PRKCQ: variants seen among roughly 807,000 people sequenced by gnomAD.
PRKCQ encodes protein kinase C theta type.
A neutral mutation model predicts 91.2 loss-of-function variants in PRKCQ; 41 were observed. That is an observed-to-expected ratio of 0.45 (90% CI 0.35 to 0.58). The LOEUF (loss-of-function observed/expected upper bound fraction) is 0.58. PRKCQ is among the 20% of genes least tolerant of loss of function. The pLI is 0.00. For missense variants in PRKCQ, 673 were observed against 896.5 expected, an observed-to-expected ratio of 0.75 and a Z score of 3.18; for synonymous variants, 307 against 316.9, an observed-to-expected ratio of 0.97 and a Z score of 0.33.
the PRKCQ span, among the ~76,000 whole-genome samples, chr10:6,413,660 CACTGGATTAAAT>C: frequency 1.0e-4 from 13 of 128,366 alleles, 3 homozygotes; most frequent in African/African-American, 4.1e-4. Context: ...CACTAGGAAG[CACTGGATTAAAT>C]GCCACTTGTG....
At chr10:6,444,507 C>T (rs1009938590) in intron 15 of PRKCQ, among the ~76,000 whole-genome samples, 2 of 152,106 alleles carry the variant, frequency 1.3e-5, no homozygotes, top group South Asian at 2.1e-4. Context: ...AAAAAATCTT[C>T]GTTAATTCAT....
the PRKCQ span, among the ~76,000 whole-genome samples, chr10:6,398,441 A>G: frequency 6.6e-6 from 1 of 152,246 alleles, no homozygotes; most frequent in Non-Finnish European, 1.5e-5. Context: ...AAGTTAGTCA[A>G]TATTCTTTCA....
intron 1 of PRKCQ, among the ~76,000 whole-genome samples, chr10:6,571,517 C>A (rs1841044889): frequency 6.6e-6 from 1 of 152,120 alleles, no homozygotes; most frequent in African/African-American, 2.4e-5. Context: ...AAGAAAATAT[C>A]TTCCCTTGAT....
chr10:6,523,580 G>A (rs186489449), intron 1 of PRKCQ, among the ~76,000 whole-genome samples: 7 of 152,270 alleles, frequency 4.6e-5, no homozygotes, highest in Non-Finnish European at 1.0e-4. Flanking sequence ...AGGAGGCTTC[G>A]TGGACAGACC....
chr10:6,527,056 A>G (rs80295414), intron 1 of PRKCQ, among the ~76,000 whole-genome samples: 12,525 of 152,252 alleles, frequency 0.082, 659 homozygotes, highest in Middle Eastern at 0.2. Flanking sequence ...GCCCCAACCC[A>G]TGGTAGGAGG....
chr10:6,487,463 G>A (rs1038378033), intron 8 of PRKCQ, among the ~76,000 whole-genome samples: 6 of 152,294 alleles, frequency 3.9e-5, no homozygotes, highest in Admixed American at 2.6e-4. Flanking sequence ...AGTCATGAAC[G>A]CTCTGGGGGC....
chr10:6,568,149 A>G (rs893066155), intron 1 of PRKCQ, among the ~76,000 whole-genome samples: 1 of 152,140 alleles, frequency 6.6e-6, no homozygotes, highest in Non-Finnish European at 1.5e-5. Context: ...CGAAGGGCGG[A>G]GGTTGCAGTG....
intron 1 of PRKCQ, among the ~76,000 whole-genome samples, chr10:6,534,491 C>G (rs1320232390): frequency 6.6e-6 from 1 of 151,874 alleles, no homozygotes; most frequent in Non-Finnish European, 1.5e-5. Context: ...CTCGCCATAG[C>G]AATTTGGATA....
At chr10:6,404,807 CTCTCTT>C in the PRKCQ span, among the ~76,000 whole-genome samples, 1 of 141,774 alleles carries the variant, frequency 7.1e-6, no homozygotes, top group Admixed American at 7.4e-5. Flanking sequence ...TTCTTTCTCT[CTCTCTT>C]TCATTCTTTC....
chr10:6,397,168 C>T, the PRKCQ span, among the ~76,000 whole-genome samples: 26 of 152,246 alleles, frequency 1.7e-4, no homozygotes, highest in South Asian at 5.4e-3. Flanking sequence ...ATGATCTCAG[C>T]CCACTGCAAG....
the PRKCQ span, among the ~76,000 whole-genome samples, chr10:6,413,765 A>ACAGCTAAAAGAAAAATAT: frequency 7.0e-6 from 1 of 143,214 alleles, no homozygotes; most frequent in African/African-American, 2.7e-5. Flanking sequence ...ACTGGATTAA[A>ACAGCTAAAAGAAAAATAT]TGCCACTTGT....
At chr10:6,446,667 A>G (rs1374478980) in intron 15 of PRKCQ, among the ~76,000 whole-genome samples, 1 of 151,968 alleles carries the variant, frequency 6.6e-6, no homozygotes, top group Non-Finnish European at 1.5e-5. Flanking sequence ...TGCCCGGCCC[A>G]TGCCCAATTT....
At chr10:6,566,674 C>A (rs561201365) in intron 1 of PRKCQ, among the ~76,000 whole-genome samples, 5 of 151,938 alleles carry the variant, frequency 3.3e-5, no homozygotes, top group Non-Finnish European at 5.9e-5. Context: ...TCCTTGTGTG[C>A]CAGCGACCAC....
At chr10:6,543,204 A>G (rs1839832734) in intron 1 of PRKCQ, among the ~76,000 whole-genome samples, 1 of 152,168 alleles carries the variant, frequency 6.6e-6, no homozygotes, top group Non-Finnish European at 1.5e-5. Flanking sequence ...GCGCTCAGTA[A>G]TTGGTGAGCA....
intron 1 of PRKCQ, among the ~76,000 whole-genome samples, chr10:6,542,636 C>A (rs961810974): frequency 1.3e-5 from 2 of 152,168 alleles, no homozygotes; most frequent in Non-Finnish European, 2.9e-5. Context: ...AGTTCAACAG[C>A]TGGATCACTA....
Position 6,556,897 on chromosome 10 carries a change from C to T in PRKCQ, c.-10+23314G>A, listed in dbSNP as rs181663486. 2.2e-3 allele frequency among the ~76,000 whole-genome samples: 341 copies of T among 152,222 alleles called. 3 individuals carry two copies. Among genetic ancestry groups the T allele is most frequent in the South Asian group, 0.013 (63 of 4,830 alleles). On this transcript the variant is annotated intron_variant, in intron 1 of 17. Coordinates refer to ENST00000263125, the MANE Select transcript of PRKCQ (RefSeq NM_006257.5). Reference sequence around the variant, plus strand: ...TTAATTTTAAGGAAAAACTGGAAGCCGCAAGACATAAATGGCTCAACTTCC... The same window carrying T: ...TTAATTTTAAGGAAAAACTGGAAGCTGCAAGACATAAATGGCTCAACTTCC...
At chr10:6,561,011 C>G (rs977910789) in intron 1 of PRKCQ, among the ~76,000 whole-genome samples, 3 of 149,346 alleles carry the variant, frequency 2.0e-5, no homozygotes, top group Admixed American at 6.7e-5. Flanking sequence ...TGCACTCCAG[C>G]CTGGGCGACA....
At chr10:6,517,828 C>T (rs676674) in intron 1 of PRKCQ, among the ~76,000 whole-genome samples, 16,442 of 151,764 alleles carry the variant, frequency 0.11, 1,164 homozygotes, top group Middle Eastern at 0.23. Flanking sequence ...TATGGGTATA[C>T]AAATTTGTAA....
chr10:6,518,992 TAC>T (rs1341219595), intron 1 of PRKCQ, among the ~76,000 whole-genome samples: 1 of 152,230 alleles, frequency 6.6e-6, no homozygotes, highest in Non-Finnish European at 1.5e-5. Flanking sequence ...TTAACAGATA[TAC>T]ACACCTGTGT....
Sources: gnomAD v4.1 joint callset for allele counts (sites outside exome capture counted in the v4.1 genomes callset) on GRCh38, gnomAD v4.1.1 for gene constraint, MANE v1.5 for transcripts, NCBI Gene and HGNC (gene_info 2026-07-23, HGNC 2026-07-21) for gene names.